The following FUT9 variants were observed in gnomAD, a reference collection of about 807,000 sequenced individuals.
The protein encoded by FUT9 is 4-galactosyl-N-acetylglucosaminide 3-alpha-L-fucosyltransferase 9.
Under a neutral mutation model 29.7 loss-of-function variants are expected in FUT9, and 15 were observed. That is an observed-to-expected ratio of 0.51 (90% CI 0.34 to 0.78). The LOEUF (loss-of-function observed/expected upper bound fraction) is 0.78, where lower values mean the gene tolerates loss of function less well. Among genes scored for constraint, FUT9 ranks in the 30% least tolerant of loss-of-function variants. The pLI is 0.01. For synonymous variants in FUT9, 169 were observed against 153.7 expected (o/e 1.10, Z -0.74); for missense variants, 319 against 425.4 (o/e 0.75, Z 2.20).
chr6:96,147,614 G>A (rs1230137805), intron 2 of FUT9, among the ~76,000 whole-genome samples: 1 of 152,058 alleles, frequency 6.6e-6, no homozygotes, highest in Admixed American at 6.6e-5. Context: ...AACCCAAAGA[G>A]AGAAGTAAGT....
intron 1 of FUT9, among the ~76,000 whole-genome samples, chr6:96,103,710 T>C (rs908611081): frequency 5.3e-5 from 8 of 152,216 alleles, no homozygotes; most frequent in African/African-American, 1.9e-4. Flanking sequence ...TCACCAGTCA[T>C]TGGATTTAGG....
intron 2 of FUT9, among the ~76,000 whole-genome samples, chr6:96,124,714 T>C (rs565739242): frequency 6.6e-6 from 1 of 152,292 alleles, no homozygotes; most frequent in South Asian, 2.1e-4. Context: ...TTTTCTTTTT[T>C]TAAATGACAT....
At chr6:96,182,148 G>C (rs939524878) in intron 2 of FUT9, among the ~76,000 whole-genome samples, 1 of 151,962 alleles carries the variant, frequency 6.6e-6, no homozygotes, top group Non-Finnish European at 1.5e-5. Context: ...TCACCTTGTG[G>C]TTTTGATTTG....
chr6:96,051,135 A>C (rs1253839604), intron 1 of FUT9, among the ~76,000 whole-genome samples: 1 of 152,138 alleles, frequency 6.6e-6, no homozygotes, highest in Non-Finnish European at 1.5e-5. Context: ...GCCAATTCTC[A>C]GCTCTGAAAA....
chr6:96,183,892 G>A (rs1773355821), intron 2 of FUT9, among the ~76,000 whole-genome samples: 1 of 151,896 alleles, frequency 6.6e-6, no homozygotes, highest in Non-Finnish European at 1.5e-5. Flanking sequence ...AGGGATATCG[G>A]GCTGTAGTTT....
rs1424949977 is a variant in FUT9, at chr6:96,209,481, AT to A, written c.*5250del. On this transcript the variant is annotated 3_prime_UTR_variant, in exon 3 of 3. Coordinates refer to ENST00000302103, the MANE Select transcript of FUT9 (RefSeq NM_006581.4). ...AATTGCCTGCAGAAAAATCAATCAT[AT>A]TTTAGGCATTATTTTGAAATATTTT... The A allele has an allele frequency of 1.2e-5, 2 of 166,824 alleles. No individual in the cohort carries two copies. Among genetic ancestry groups the A allele is most frequent in the Non-Finnish European group, 2.9e-5 (2 of 68,036 alleles). The allele number at this position is 166,824 out of a possible 1,614,324, so 10.3% of individuals were successfully genotyped here.
intron 1 of FUT9, among the ~76,000 whole-genome samples, chr6:96,113,012 T>G (rs931193822): frequency 6.6e-6 from 1 of 152,204 alleles, no homozygotes; most frequent in African/African-American, 2.4e-5. Context: ...TTATTTGATC[T>G]TTATATTTCT....
intron 2 of FUT9, among the ~76,000 whole-genome samples, chr6:96,169,853 A>G (rs1399187281): frequency 6.6e-6 from 1 of 152,170 alleles, no homozygotes; most frequent in East Asian, 1.9e-4. Context: ...TTAATTTCTT[A>G]TGGCAAAGAT....
At chr6:96,038,381 A>G (rs144614733) in intron 1 of FUT9, among the ~76,000 whole-genome samples, 1 of 152,264 alleles carries the variant, frequency 6.6e-6, no homozygotes, top group East Asian at 1.9e-4. Flanking sequence ...CATCTGGCTA[A>G]CCAAAACAAG....
rs559741819 is a variant in FUT9 at position 96,113,656 on chromosome 6, T to A, written c.-97-383T>A. On this transcript the variant is annotated intron_variant, in intron 1 of 2. Coordinates refer to ENST00000302103, the MANE Select transcript of FUT9 (RefSeq NM_006581.4). The stretch of plus-strand genomic sequence containing the variant: ...GGATCACGTCAGGAGATCAAGACCA[T>A]CCTGGCTAACACGGTGAAACCCCAC... 1.6e-4 allele frequency among the ~76,000 whole-genome samples: 24 copies of A among 151,322 alleles called. No homozygotes were observed. The South Asian group carries it at 4.2e-3, about 27-fold the overall frequency.
At position 96,204,964 on chromosome 6, in the gene FUT9, C is replaced by T. The variant is rs1420981103; in HGVS notation, c.*729C>T. The T allele has an allele frequency of 6.2e-6, 1 of 162,312 alleles. No individual in the cohort carries two copies. The highest frequency in any genetic ancestry group is 1.5e-5 in the Non-Finnish European group (1 of 68,006). 10.1% of individuals were successfully genotyped at this position (162,312 alleles called of 1,614,324 possible). ...GATTTTCAGCACCTGGGAAGTAATC[C>T]CAATAATACTTTAGAAAATCTAAGA... On this transcript the variant is annotated 3_prime_UTR_variant, in exon 3 of 3. Coordinates refer to ENST00000302103, the MANE Select transcript of FUT9 (RefSeq NM_006581.4).
chr6:96,185,140 T>C (rs904740617), intron 2 of FUT9, among the ~76,000 whole-genome samples: 2 of 96,774 alleles, frequency 2.1e-5, no homozygotes, highest in African/African-American at 2.9e-5. Context: ...TCCTCAACAA[T>C]ATTTTTAGAA....
chr6:96,128,800 A>G (rs1772178903), intron 2 of FUT9, among the ~76,000 whole-genome samples: 1 of 152,110 alleles, frequency 6.6e-6, no homozygotes, highest in South Asian at 2.1e-4. Flanking sequence ...ATTGAAAATA[A>G]CTTGGTGAAT....
intron 2 of FUT9, among the ~76,000 whole-genome samples, chr6:96,148,556 C>A (rs1289305829): frequency 6.6e-6 from 1 of 152,122 alleles, no homozygotes; most frequent in Non-Finnish European, 1.5e-5. Flanking sequence ...GTTCTTGATA[C>A]TTTCATTGAC....
chr6:96,024,755 T>G, intron 1 of FUT9, among the ~76,000 whole-genome samples: 1 of 151,796 alleles, frequency 6.6e-6, no homozygotes, highest in South Asian at 2.1e-4. Context: ...TTACCTAGGT[T>G]TCTTTGGGTC....
rs1320318060 is a variant in FUT9, at chr6:96,208,977, G to A, written c.*4742G>A. 3 of 166,318 alleles carry A rather than the reference G, an allele frequency of 1.8e-5. No individual in the cohort carries two copies. The highest frequency in any genetic ancestry group is 4.4e-5 in the Non-Finnish European group (3 of 67,854). The allele number at this position is 166,318 out of a possible 1,614,324, so 10.3% of individuals were successfully genotyped here. A position where few individuals can be genotyped will look rare whatever the true frequency, so the allele number is the denominator to read the frequency against. On this transcript the variant is annotated 3_prime_UTR_variant, in exon 3 of 3. Transcript: ENST00000302103. ...GGTATGCTTCACTACTATCCACAGTGTTCTCCCCTTTAGTAATTCATATTG... is the reference window on the plus strand; with the variant it reads ...GGTATGCTTCACTACTATCCACAGTATTCTCCCCTTTAGTAATTCATATTG...
At chr6:96,146,543 A>G (rs535148651) in intron 2 of FUT9, among the ~76,000 whole-genome samples, 1 of 152,310 alleles carries the variant, frequency 6.6e-6, no homozygotes, top group East Asian at 1.9e-4. Context: ...GTTAAAAAAA[A>G]CTTTTTATTC....
At position 96,203,072 on chromosome 6, in the gene FUT9, A is replaced by G. The variant is rs1459558616; in HGVS notation, c.-8-76A>G. ...GTTTATCTCATATTTATGATTTTAAATATATCTCCAATATATTTATGATTT... is the reference window on the plus strand; with the variant it reads ...GTTTATCTCATATTTATGATTTTAAGTATATCTCCAATATATTTATGATTT... On this transcript the variant is annotated intron_variant, in intron 2 of 2. Coordinates refer to ENST00000302103, the MANE Select transcript of FUT9 (RefSeq NM_006581.4). The G allele has an allele frequency of 4.6e-6, 5 of 1,078,554 alleles. No individual in the cohort carries two copies. In the East Asian group the frequency reaches 9.5e-5, roughly 21 times the overall value. The allele number at this position is 1,078,554 out of a possible 1,614,324, so 66.8% of individuals were successfully genotyped here.
rs1202383445 is a variant in FUT9, at chr6:96,210,020, C to A, written c.*5785C>A. The A allele has an allele frequency of 6.0e-6, 1 of 166,824 alleles. No individual in the cohort carries two copies. Among genetic ancestry groups the A allele is most frequent in the Non-Finnish European group, 1.5e-5 (1 of 68,040 alleles). The allele number at this position is 166,824 out of a possible 1,614,324, so 10.3% of individuals were successfully genotyped here. ...ATGCCTTTGAAACTTCCTAGATCAT[C>A]TACATAAAAATCATTTGAAATATTG... On this transcript the variant is annotated 3_prime_UTR_variant, in exon 3 of 3. Transcript: ENST00000302103.
Sources: allele counts gnomAD v4.1 joint callset (sites outside exome capture counted in the v4.1 genomes callset), GRCh38; gene constraint gnomAD v4.1.1; transcripts MANE v1.5; gene names NCBI Gene and HGNC (gene_info 2026-07-23, HGNC 2026-07-21).